The following ZNF267 variants were observed in gnomAD, a reference collection of about 807,000 sequenced individuals.
The protein encoded by ZNF267 is zinc finger (C2H2).
ZNF267 carries 61 observed loss-of-function variants against 71.6 expected under a neutral mutation model. The ratio of observed to expected loss-of-function variants is 0.85; its 90% CI spans 0.69 to 1.05. The LOEUF (loss-of-function observed/expected upper bound fraction) is 1.05. ZNF267 is among the 50% of genes least tolerant of loss of function. The pLI is 0.00. For synonymous variants in ZNF267, 288 were observed against 293.2 expected, an observed-to-expected ratio of 0.98 and a Z score of 0.18; for missense variants, 852 against 870.0, an observed-to-expected ratio of 0.98 and a Z score of 0.26.
chr16:31,876,396 T>A (rs1374776461), intron 1 of ZNF267, among the ~76,000 whole-genome samples: 1 of 152,090 alleles, frequency 6.6e-6, no homozygotes, highest in African/African-American at 2.4e-5. Context: ...TTTTTCTTTT[T>A]GTAAAGATGT....
chr16:31,886,689 T>C (rs943508404), intron 3 of ZNF267, among the ~76,000 whole-genome samples: 1 of 152,214 alleles, frequency 6.6e-6, no homozygotes, highest in African/African-American at 2.4e-5. Context: ...ATTCAGAATT[T>C]ATCTTGTAAA....
intron 1 of ZNF267, among the ~76,000 whole-genome samples, chr16:31,879,902 A>G (rs2083878188): frequency 6.6e-6 from 1 of 152,206 alleles, no homozygotes; most frequent in South Asian, 2.1e-4. Flanking sequence ...AATGTGCAGA[A>G]GGTGCATGCC....
chr16:31,894,147 C>T (rs1386009725), intron 3 of ZNF267, among the ~76,000 whole-genome samples: 1 of 152,210 alleles, frequency 6.6e-6, no homozygotes, highest in Non-Finnish European at 1.5e-5. Flanking sequence ...TCATGTCTTC[C>T]TTTTGGGCCA....
At position 31,916,568 on chromosome 16, in the gene ZNF267, A is replaced by G. The variant is rs984446400; in HGVS notation, c.*87A>G. On this transcript the variant is annotated 3_prime_UTR_variant, in exon 4 of 4. Transcript: ENST00000300870. ...TTTATATGGGAGTGAAACCCTACAAATGTTAAGAATGTGGCATAACCTTTA... is the reference window on the plus strand; with the variant it reads ...TTTATATGGGAGTGAAACCCTACAAGTGTTAAGAATGTGGCATAACCTTTA... The G allele has an allele frequency of 6.3e-6, 8 of 1,262,088 alleles. No homozygotes were observed. In the Admixed American group the frequency reaches 7.6e-5, roughly 12 times the overall value. 78.2% of individuals were successfully genotyped at this position (1,262,088 alleles called of 1,614,324 possible). A position where few individuals can be genotyped will look rare whatever the true frequency, so the allele number is the denominator to read the frequency against.
At chr16:31,912,062 G>T (rs2084140045) in intron 3 of ZNF267, 1 of 151,416 alleles carries the variant, frequency 6.6e-6, no homozygotes, top group African/African-American at 2.4e-5. Context: ...TCATCATTGA[G>T]TATTTCTACT....
intron 3 of ZNF267, among the ~76,000 whole-genome samples, chr16:31,909,004 G>A (rs913071263): frequency 4.0e-5 from 6 of 150,878 alleles, no homozygotes; most frequent in African/African-American, 1.2e-4. Flanking sequence ...AGATTGTTTC[G>A]AGTAGTATGG....
At chr16:31,903,372 C>A (rs1191950344) in intron 3 of ZNF267, among the ~76,000 whole-genome samples, 2 of 152,162 alleles carry the variant, frequency 1.3e-5, no homozygotes, top group Non-Finnish European at 2.9e-5. Flanking sequence ...GGTAGCAGCT[C>A]CTCCTTGTAC....
chr16:31,891,447 G>T (rs1382890188), intron 3 of ZNF267, among the ~76,000 whole-genome samples: 3 of 152,000 alleles, frequency 2.0e-5, no homozygotes, highest in Non-Finnish European at 2.9e-5. Context: ...TTAATTTTTT[G>T]TGTGTTTTTC....
At chr16:31,879,492 A>G (rs1175191987) in intron 1 of ZNF267, among the ~76,000 whole-genome samples, 5 of 152,146 alleles carry the variant, frequency 3.3e-5, no homozygotes, top group African/African-American at 1.2e-4. Flanking sequence ...CTTCTTCATT[A>G]TATTTTTCAA....
chr16:31,914,365 C>T lies in ZNF267; in HGVS notation c.227-111C>T, dbSNP rs1325616541. The T allele has an allele frequency of 7.0e-6, 7 of 1,001,310 alleles. No homozygotes were observed. The East Asian group carries it at 1.7e-4, about 24-fold the overall frequency. The allele number at this position is 1,001,310 out of a possible 1,614,324, so 62.0% of individuals were successfully genotyped here. On this transcript the variant is annotated intron_variant, in intron 3 of 3. Coordinates refer to ENST00000300870, the MANE Select transcript of ZNF267 (RefSeq NM_003414.6). ...TGAGAAAACACGGCCTCAGGTTTTT[C>T]ACTCAACTGTTGTTGTATTCTCAAC... is the stretch of plus-strand genomic sequence containing the variant.
chr16:31,907,852 T>C (rs2084103796), intron 3 of ZNF267, among the ~76,000 whole-genome samples: 1 of 150,970 alleles, frequency 6.6e-6, no homozygotes, highest in Non-Finnish European at 1.5e-5. Flanking sequence ...CTGGCTAACA[T>C]GATGAAACCC....
intron 3 of ZNF267, among the ~76,000 whole-genome samples, chr16:31,887,480 C>CA (rs1366341406): frequency 6.6e-6 from 1 of 152,012 alleles, no homozygotes; most frequent in Non-Finnish European, 1.5e-5. Flanking sequence ...AGGCCAGTGT[C>CA]AAAGAGATTT....
At position 31,916,589 on chromosome 16, in the gene ZNF267, C is replaced by A; in HGVS notation, c.*108C>A. 9.0e-7 allele frequency: 1 copy of A among 1,110,202 alleles called. No individual in the cohort carries two copies. The highest frequency in any genetic ancestry group is 1.3e-6 in the Non-Finnish European group (1 of 794,628). 68.8% of individuals were successfully genotyped at this position (1,110,202 alleles called of 1,614,324 possible). ...ACAAATGTTAAGAATGTGGCATAAC[C>A]TTTAACTATTTTCAAGCCTTACACA... On this transcript the variant is annotated 3_prime_UTR_variant, in exon 4 of 4. Coordinates refer to ENST00000300870, the MANE Select transcript of ZNF267 (RefSeq NM_003414.6).
chr16:31,883,026 T>C (rs987306483), intron 1 of ZNF267, among the ~76,000 whole-genome samples: 1 of 152,218 alleles, frequency 6.6e-6, no homozygotes, highest in Admixed American at 6.5e-5. Context: ...TAACAGCTTT[T>C]AAGACTGGAA....
chr16:31,915,776 A>T lies in ZNF267; in HGVS notation c.1527A>T (p.Gln509His). The change falls in exon 4 of 4, where the codon CAA becomes CAT. Residue 509 changes from glutamine to histidine, a missense_variant. Coordinates refer to ENST00000300870, the MANE Select transcript of ZNF267 (RefSeq NM_003414.6). ...KVFSRSSCLTQHRKIHTGENL... is the reference protein window; with the variant it reads ...KVFSRSSCLTHHRKIHTGENL... ...TTAGCCGTAGTTCTTGCCTTACTCA[A>T]CATCGGAAAATTCATACTGGAGAAA... The T allele has an allele frequency of 6.2e-7, 1 of 1,613,288 alleles. No homozygotes were observed. Among genetic ancestry groups the T allele is most frequent in the Non-Finnish European group, 8.5e-7 (1 of 1,179,982 alleles).
At chr16:31,893,378 C>T (rs1183587636) in intron 3 of ZNF267, among the ~76,000 whole-genome samples, 1 of 152,250 alleles carries the variant, frequency 6.6e-6, no homozygotes, top group Admixed American at 6.5e-5. Flanking sequence ...ATGAAGACTT[C>T]TGACATGCCC....
chr16:31,916,661 G>T lies in ZNF267; in HGVS notation c.*180G>T, dbSNP rs1435397258. 4.4e-6 allele frequency: 3 copies of T among 679,382 alleles called. No individual in the cohort carries two copies. The highest frequency in any genetic ancestry group is 7.2e-6 in the Non-Finnish European group (3 of 417,186). The allele number at this position is 679,382 out of a possible 1,614,324, so 42.1% of individuals were successfully genotyped here. A position where few individuals can be genotyped will look rare whatever the true frequency, so the allele number is the denominator to read the frequency against. On this transcript the variant is annotated 3_prime_UTR_variant, in exon 4 of 4. Transcript: ENST00000300870. ...AAAAATCCATACAAATATTAAAAAT[G>T]TGGCAAATTATTTTAAACTGTGCTC...
chr16:31,898,123 G>T (rs1458079278), intron 3 of ZNF267, among the ~76,000 whole-genome samples: 1 of 152,088 alleles, frequency 6.6e-6, no homozygotes, highest in Non-Finnish European at 1.5e-5. Flanking sequence ...TTCTGTGAAA[G>T]GTCACAATGT....
rs544390650 is a variant in ZNF267, at chr16:31,886,949, A to C, written c.226+1693A>C. On this transcript the variant is annotated intron_variant, in intron 3 of 3. Coordinates refer to ENST00000300870, the MANE Select transcript of ZNF267 (RefSeq NM_003414.6). ...TTGAGGTGCCTTCGTGCCATTTTTC[A>C]TAATGGCTGAATCAATTTACATTTC... Among the ~76,000 whole-genome samples the C allele has an allele frequency of 1.1e-4, 17 of 152,318 alleles. No homozygotes were observed. The East Asian group carries it at 3.3e-3, about 29-fold the overall frequency.
Sources: gnomAD v4.1 joint callset for allele counts (sites outside exome capture counted in the v4.1 genomes callset) on GRCh38, gnomAD v4.1.1 for gene constraint, MANE v1.5 for transcripts, NCBI Gene and HGNC (gene_info 2026-07-23, HGNC 2026-07-21) for gene names.